The following NFRKB variants were observed in gnomAD, a reference collection of about 807,000 sequenced individuals.
The protein encoded by NFRKB is nuclear factor related to kappa-B-binding protein.
A neutral mutation model predicts 135.7 loss-of-function variants in NFRKB; 62 were observed. That is an observed-to-expected ratio of 0.46 (90% CI 0.37 to 0.56). The LOEUF (loss-of-function observed/expected upper bound fraction) is 0.56. Ranked by LOEUF, NFRKB falls within the 20% of genes least tolerant of loss-of-function variation. The probability of loss-of-function intolerance (pLI) is 0.00; values close to 1 mark genes in which losing one functional copy is unlikely to be tolerated. For synonymous variants in NFRKB, 678 were observed against 635.6 expected (o/e 1.07, Z -1.00); for missense variants, 1,545 against 1,662.0 (o/e 0.93, Z 1.22).
intron 18 of NFRKB, 93 bp downstream of exon 18, chr11:129,875,264 G>A (rs550024416): frequency 2.7e-6 from 3 of 1,092,200 alleles, no homozygotes; most frequent in Non-Finnish European, 4.0e-6. Flanking sequence ...ACTTCATTCA[G>A]TTTTTAAAAA....
chr11:129,869,599 TAC>T lies in NFRKB; in HGVS notation c.3424_3425del (p.Val1142SerfsTer89). 1 of 1,614,204 alleles carries T rather than the reference TAC, an allele frequency of 6.2e-7. No individual in the cohort carries two copies. The highest frequency in any genetic ancestry group is 8.5e-7 in the Non-Finnish European group (1 of 1,180,044). ...TGCTTGCAGCCCCAGAAGCCACAGCTACAGTCTTGGACACAGCAGCATTCATA... is the reference window on the plus strand; with the variant it reads ...TGCTTGCAGCCCCAGAAGCCACAGCTAGTCTTGGACACAGCAGCATTCATA... ...PSMNAAVSKTVAVASGAASTP... is the reference protein window; with the variant it reads ...PSMNAAVSKTXAVASGAASTP... On this transcript the variant is annotated frameshift_variant, in exon 24 of 27. Coordinates refer to ENST00000682444, the MANE Select transcript of NFRKB (RefSeq NM_001143835.2). LOFTEE classifies it high-confidence loss of function.
chr11:129,893,296 C>A (rs1348230165), intron 2 of NFRKB: 1 of 461,402 alleles, frequency 2.2e-6, no homozygotes, highest in East Asian at 7.0e-5. Context: ...CTCACACCTA[C>A]AATCTCAGTA....
chr11:129,877,260 G>A, intron 16 of NFRKB, 65 bp downstream of exon 16: 7 of 1,473,680 alleles, frequency 4.8e-6, no homozygotes, highest in Non-Finnish European at 6.7e-6. Context: ...AGGAGAGTCA[G>A]GCTCAGAGCA....
In NFRKB at chr11:129,864,313, T is replaced by G. The variant is rs1037114555; in HGVS notation, c.*412A>C. 16 of 162,426 alleles carry G rather than the reference T, an allele frequency of 9.9e-5. No individual in the cohort carries two copies. The highest frequency in any genetic ancestry group is 1.8e-4 in the Admixed American group (3 of 16,306). The allele number at this position is 162,426 out of a possible 1,614,324, so 10.1% of individuals were successfully genotyped here. A position where few individuals can be genotyped will look rare whatever the true frequency, so the allele number is the denominator to read the frequency against. ...ACATAAAATTTTCTGGACACAAAAC[T>G]CCTATCCAGACCACTAGTCATGGAG... On this transcript the variant is annotated 3_prime_UTR_variant, in exon 27 of 27. Transcript: ENST00000682444.
Position 129,874,105 on chromosome 11 carries a change from G to A in NFRKB, c.2279+8C>T, listed in dbSNP as rs542441775. 4 of 1,556,252 alleles carry A rather than the reference G, an allele frequency of 2.6e-6. No homozygotes were observed. The highest frequency in any genetic ancestry group is 2.3e-5 in the East Asian group (1 of 44,272). The stretch of plus-strand genomic sequence containing the variant: ...GAACGAAAAAGCTGAAGAAAAGGAG[G>A]AACTTACCCCGAGCTAGACTTAGCT... On this transcript the variant is annotated splice_region_variant and intron_variant, in intron 21 of 26. Coordinates refer to ENST00000682444, the MANE Select transcript of NFRKB (RefSeq NM_001143835.2). This position sits in a 1 kb window ranked among gnomAD's most constrained non-coding sequence, Gnocchi z 4.5.
At chr11:129,879,240 T>C (rs904654934) in intron 13 of NFRKB, among the ~76,000 whole-genome samples, 3 of 152,200 alleles carry the variant, frequency 2.0e-5, no homozygotes, top group African/African-American at 7.2e-5. Context: ...GTTTTCATGG[T>C]CAATACACAA....
chr11:129,866,043 C>A, intron 24 of NFRKB, 60 bp from the exon 25 acceptor site: 2 of 1,400,352 alleles, frequency 1.4e-6, no homozygotes, highest in South Asian at 1.3e-5. Flanking sequence ...CAGCAAGTGT[C>A]ACCTCCAGGG....
chr11:129,889,184 A>G (rs1949419751), intron 3 of NFRKB, among the ~76,000 whole-genome samples: 1 of 151,566 alleles, frequency 6.6e-6, no homozygotes, highest in South Asian at 2.1e-4. Flanking sequence ...CTGGTCTCAA[A>G]CTCCTGACCT....
At chr11:129,881,659 A>C in intron 12 of NFRKB, 68 bp downstream of exon 12, 6 of 1,591,272 alleles carry the variant, frequency 3.8e-6, no homozygotes, top group Non-Finnish European at 4.3e-6. Context: ...GCAAAGCTGC[A>C]GTTTATTCTA....
At chr11:129,886,294 A>G (rs1949274642) in intron 5 of NFRKB, 23 bp downstream of exon 5, 1 of 1,608,070 alleles carries the variant, frequency 6.2e-7, no homozygotes, top group Non-Finnish European at 8.5e-7. Flanking sequence ...CACATTTTAT[A>G]TCCAGTTCCC....
At position 129,891,170 on chromosome 11, in the gene NFRKB, C is replaced by A. The variant is rs980107523; in HGVS notation, c.135+1545G>T. ...TCAATATTATCCTGCTGGGCAAAAG[C>A]AACAGCTAGGAGATGCAATCGTGCC... On this transcript the variant is annotated intron_variant, in intron 3 of 26. Transcript: ENST00000682444. Among the ~76,000 whole-genome samples, 14 of 151,874 alleles carry A rather than the reference C, an allele frequency of 9.2e-5. 1 individual carries two copies. The highest frequency in any genetic ancestry group is 3.4e-4 in the African/African-American group (14 of 41,364).
intron 24 of NFRKB, among the ~76,000 whole-genome samples, chr11:129,867,651 T>A (rs781662890): frequency 3.9e-5 from 6 of 152,184 alleles, no homozygotes; most frequent in African/African-American, 1.4e-4. Context: ...ATGTTAAGAT[T>A]TTCTGTTTTG....
chr11:129,891,360 G>A (rs1949551642), intron 3 of NFRKB, among the ~76,000 whole-genome samples: 1 of 152,152 alleles, frequency 6.6e-6, no homozygotes, highest in Admixed American at 6.5e-5. Context: ...TATTAACTTT[G>A]GGCCCTGCAG....
rs1050090705 is a variant in NFRKB at position 129,865,180 on chromosome 11, G to A, written c.3639-79C>T. 7 of 1,520,132 alleles carry A rather than the reference G, an allele frequency of 4.6e-6. No individual in the cohort carries two copies. In the Admixed American group the frequency reaches 1.1e-4, roughly 23 times the overall value. 94.2% of individuals were successfully genotyped at this position (1,520,132 alleles called of 1,614,324 possible). On this transcript the variant is annotated intron_variant, in intron 25 of 26. Transcript: ENST00000682444. ...CCCAGATTTAGGCCATGTATTGAAG[G>A]ACAACAGGGAGGTCTGTGCCAATGA...
rs2135664211 is a variant in NFRKB, at chr11:129,882,576, CTTCTT to C, written c.952_956del (p.Lys318GlufsTer22). On this transcript the variant is annotated frameshift_variant, in exon 10 of 27. Transcript: ENST00000682444. LOFTEE classifies it high-confidence loss of function. Reference sequence around the variant, plus strand: ...ATTTGATCGTTTTTATTTTCTTCTTCTTCTTTTCCTCTTTTTCCTTAACCTTTTTT... The same window carrying C: ...ATTTGATCGTTTTTATTTTCTTCTTCTTCCTCTTTTTCCTTAACCTTTTTT... 1.2e-6 allele frequency: 2 copies of C among 1,614,096 alleles called. No individual in the cohort carries two copies. The highest frequency in any genetic ancestry group is 1.7e-6 in the Non-Finnish European group (2 of 1,180,024).
intron 25 of NFRKB, among the ~76,000 whole-genome samples, chr11:129,865,493 A>G (rs748439673): frequency 5.3e-5 from 8 of 152,224 alleles, no homozygotes; most frequent in Non-Finnish European, 1.2e-4. Flanking sequence ...TTAAGGCCAC[A>G]GGTGGCCCTC....
chr11:129,881,738 C>T lies in NFRKB; in HGVS notation c.1307G>A (p.Gly436Glu). The T allele has an allele frequency of 6.2e-7, 1 of 1,614,118 alleles. No individual in the cohort carries two copies. The highest frequency in any genetic ancestry group is 8.5e-7 in the Non-Finnish European group (1 of 1,180,000). ...AAAGAGCATCTTACCTCGACTTTCTCCAGCAAGATACTGCAGGGCTGGTAG... is the reference window on the plus strand; with the variant it reads ...AAAGAGCATCTTACCTCGACTTTCTTCAGCAAGATACTGCAGGGCTGGTAG... ...LVLPALQYLA[G>E]ESRAVPSSFS... The change falls in exon 12 of 27, where the codon GGA becomes GAA. Residue 436 changes from glycine to glutamate, a missense_variant. Coordinates refer to ENST00000682444, the MANE Select transcript of NFRKB (RefSeq NM_001143835.2).
At chr11:129,881,029 T>C (rs930182050) in intron 13 of NFRKB, among the ~76,000 whole-genome samples, 3 of 152,228 alleles carry the variant, frequency 2.0e-5, no homozygotes, top group Non-Finnish European at 4.4e-5. Flanking sequence ...ATAACAACCC[T>C]GTTCTTTAGA....
chr11:129,869,354 C>A lies in NFRKB; in HGVS notation c.3531+140G>T, dbSNP rs1366110877. The A allele has an allele frequency of 1.0e-5, 9 of 869,676 alleles. No individual in the cohort carries two copies. In the African/African-American group the frequency reaches 1.4e-4, roughly 13 times the overall value. The allele number at this position is 869,676 out of a possible 1,614,324, so 53.9% of individuals were successfully genotyped here. Reference sequence around the variant, plus strand: ...AGTAAATAAATCTATTTGGGGTAAACGAGGTGCTTTTAGGGCCTCTAATTT... The same window carrying A: ...AGTAAATAAATCTATTTGGGGTAAAAGAGGTGCTTTTAGGGCCTCTAATTT... On this transcript the variant is annotated intron_variant, in intron 24 of 26. Coordinates refer to ENST00000682444, the MANE Select transcript of NFRKB (RefSeq NM_001143835.2).
Sources: allele counts gnomAD v4.1 joint callset (sites outside exome capture counted in the v4.1 genomes callset), GRCh38; gene constraint gnomAD v4.1.1; non-coding constraint Gnocchi (gnomAD v3.1); transcripts MANE v1.5; gene names NCBI Gene and HGNC (gene_info 2026-07-23, HGNC 2026-07-21).